OPCML: variants seen among roughly 807,000 people sequenced by gnomAD.
The protein encoded by OPCML is opioid binding protein/cell adhesion molecule like.
Under a neutral mutation model 37.8 loss-of-function variants are expected in OPCML, and 13 were observed. That is an observed-to-expected ratio of 0.34 (90% CI 0.22 to 0.55). The LOEUF is 0.55. OPCML is among the 20% of genes least tolerant of loss of function. The pLI, the probability that OPCML is intolerant of heterozygous loss-of-function variation, is 0.91. For synonymous variants in OPCML, 176 were observed against 168.8 expected (o/e 1.04, Z -0.33); for missense variants, 341 against 435.6 (o/e 0.78, Z 1.93).
At chr11:133,376,559 G>A (rs1043979479) in intron 1 of OPCML, among the ~76,000 whole-genome samples, 2 of 152,262 alleles carry the variant, frequency 1.3e-5, no homozygotes, top group African/African-American at 2.4e-5. Context: ...CATATACATT[G>A]TTTATAAATA....
chr11:133,051,397 AC>A (rs1261720295), intron 1 of OPCML, among the ~76,000 whole-genome samples: 2 of 152,180 alleles, frequency 1.3e-5, no homozygotes, highest in Non-Finnish European at 2.9e-5. Context: ...TAGAGTCTGC[AC>A]CCAGACATTC....
chr11:133,335,410 C>A (rs146178463), intron 1 of OPCML, among the ~76,000 whole-genome samples: 2 of 152,092 alleles, frequency 1.3e-5, no homozygotes, highest in Non-Finnish European at 2.9e-5. Context: ...CAAGACAAGG[C>A]GGACTTCAAT....
intron 1 of OPCML, among the ~76,000 whole-genome samples, chr11:133,395,138 C>A (rs942113936): frequency 6.6e-6 from 1 of 152,118 alleles, no homozygotes; most frequent in Non-Finnish European, 1.5e-5. Context: ...GGTTGAGCAC[C>A]TTTTCATATG....
intron 1 of OPCML, among the ~76,000 whole-genome samples, chr11:133,448,450 C>T (rs1486589232): frequency 1.3e-5 from 2 of 151,884 alleles, no homozygotes; most frequent in African/African-American, 4.8e-5. Context: ...GTAGAAATGT[C>T]TAGTGTTTTT....
rs999321016 is a variant in OPCML at position 132,694,580 on chromosome 11, GAAC to G, written c.147-37264_147-37262del. Among the ~76,000 whole-genome samples the G allele has an allele frequency of 1.2e-4, 18 of 152,296 alleles. No individual in the cohort carries two copies. In the East Asian group the frequency reaches 3.5e-3, roughly 29 times the overall value. On this transcript the variant is annotated intron_variant, in intron 2 of 7. Transcript: ENST00000524381. ...GCACAGTAAAGAAGATATAAAAAAT[GAAC>G]AACAACTTTGTGCTACATGCTGCCA...
chr11:132,469,575 A>C (rs954049123), intron 4 of OPCML, among the ~76,000 whole-genome samples: 1 of 102,258 alleles, frequency 9.8e-6, no homozygotes, highest in Non-Finnish European at 1.8e-5. Context: ...GTGTGTGTAT[A>C]TGTGTATGGA....
chr11:133,520,280 C>T lies in OPCML; in HGVS notation c.61+11984G>A, dbSNP rs148490309. ...GTCTCAAGGGCCATTTTCAGAACTA[C>T]AGGCCACCTCACTATCCCTGCTCAA... On this transcript the variant is annotated intron_variant, in intron 1 of 7. Transcript: ENST00000524381. Among the ~76,000 whole-genome samples the T allele has an allele frequency of 1.3e-3, 200 of 152,242 alleles. 1 individual carries two copies. The highest frequency in any genetic ancestry group is 4.5e-3 in the African/African-American group (188 of 41,540).
rs528699894 is a variant in OPCML, at chr11:133,503,953, G to A, written c.61+28311C>T. The stretch of plus-strand genomic sequence containing the variant: ...TGGGCAGGGAAGGCGGGAGGAGGAG[G>A]AAAGGCAAGACAAGGACAAGAGAGC... On this transcript the variant is annotated intron_variant, in intron 1 of 7. Transcript: ENST00000524381. Among the ~76,000 whole-genome samples, 78 of 152,288 alleles carry A rather than the reference G, an allele frequency of 5.1e-4. 1 individual carries two copies. The highest frequency in any genetic ancestry group is 1.8e-3 in the African/African-American group (75 of 41,554).
intron 4 of OPCML, among the ~76,000 whole-genome samples, chr11:132,465,234 G>A (rs993971148): frequency 6.6e-6 from 1 of 152,074 alleles, no homozygotes; most frequent in Non-Finnish European, 1.5e-5. Context: ...AATTTCTAAG[G>A]AAAAGATTCT....
chr11:133,203,539 C>T (rs993730853), intron 1 of OPCML, among the ~76,000 whole-genome samples: 1 of 152,060 alleles, frequency 6.6e-6, no homozygotes, highest in Admixed American at 6.5e-5. Context: ...CTCAAATTAC[C>T]GCCAATAGGG....
intron 1 of OPCML, among the ~76,000 whole-genome samples, chr11:133,387,671 A>G (rs1235277855): frequency 6.6e-6 from 1 of 152,210 alleles, no homozygotes; most frequent in East Asian, 1.9e-4. Context: ...TATTCCAAGC[A>G]TTTCTTTAGA....
intron 3 of OPCML, among the ~76,000 whole-genome samples, chr11:132,553,352 C>T (rs1035574725): frequency 6.6e-6 from 1 of 152,166 alleles, no homozygotes; most frequent in Non-Finnish European, 1.5e-5. Context: ...TGGCTGTTTG[C>T]CTTTCCCTGG....
chr11:132,962,777 G>A (rs974944980), intron 1 of OPCML, among the ~76,000 whole-genome samples: 6 of 152,116 alleles, frequency 3.9e-5, no homozygotes, highest in Admixed American at 1.3e-4. Context: ...TCACGGGCAG[G>A]CACTTCACCG....
At chr11:133,185,599 T>C (rs983693647) in intron 1 of OPCML, among the ~76,000 whole-genome samples, 1 of 152,022 alleles carries the variant, frequency 6.6e-6, no homozygotes, top group African/African-American at 2.4e-5. Flanking sequence ...GAACATTCAG[T>C]GAGAAAGGGA....
In OPCML at chr11:133,329,368, A is replaced by G. The variant is rs569106676; in HGVS notation, c.61+202896T>C. 2.6e-5 allele frequency among the ~76,000 whole-genome samples: 4 copies of G among 152,346 alleles called. No individual in the cohort carries two copies. The East Asian group carries it at 5.8e-4, about 22-fold the overall frequency. On this transcript the variant is annotated intron_variant, in intron 1 of 7. Transcript: ENST00000524381. The stretch of plus-strand genomic sequence containing the variant: ...CATATGGCACCAAAAAAGAGCCCAC[A>G]TTGCCAAGTCAATCCTAAGCCAAAA...
intron 1 of OPCML, among the ~76,000 whole-genome samples, chr11:133,170,133 TAC>T (rs1429492947): frequency 1.3e-5 from 2 of 152,208 alleles, no homozygotes; most frequent in Non-Finnish European, 2.9e-5. Context: ...TCTACCTAAC[TAC>T]CTGTCTGTCT....
chr11:133,006,104 G>A, intron 1 of OPCML: 1 of 985,362 alleles, frequency 1.0e-6, no homozygotes, highest in Non-Finnish European at 1.2e-6. Context: ...TTTCTGGCAT[G>A]GGGTCATTGT....
At chr11:133,408,876 G>A in intron 1 of OPCML, among the ~76,000 whole-genome samples, 1 of 152,192 alleles carries the variant, frequency 6.6e-6, no homozygotes, top group East Asian at 1.9e-4. Flanking sequence ...TGTAATAATA[G>A]AGTCTGGGGA....
intron 2 of OPCML, among the ~76,000 whole-genome samples, chr11:132,674,639 T>A (rs1204870067): frequency 2.0e-5 from 3 of 152,222 alleles, no homozygotes; most frequent in African/African-American, 7.2e-5. Context: ...GGCTGCTTTT[T>A]AATTAAAGTT....
Sources: allele counts gnomAD v4.1 joint callset (sites outside exome capture counted in the v4.1 genomes callset), GRCh38; gene constraint gnomAD v4.1.1; transcripts MANE v1.5; gene names NCBI Gene and HGNC (gene_info 2026-07-23, HGNC 2026-07-21).